C1orf21: variants seen among roughly 807,000 people sequenced by gnomAD.
The protein encoded by C1orf21 is chromosome 1 open reading frame 21.
A neutral mutation model predicts 18.7 loss-of-function variants in C1orf21; 3 were observed. The observed-to-expected ratio is 0.16, with a 90% CI of 0.07 to 0.42. C1orf21 has a LOEUF of 0.42. C1orf21 is among the 10% of genes least tolerant of loss of function. The probability of loss-of-function intolerance (pLI) is 0.99; values close to 1 mark genes in which losing one functional copy is unlikely to be tolerated. For synonymous variants in C1orf21, 41 were observed against 46.4 expected (o/e 0.88, Z 0.47); for missense variants, 104 against 143.6 (o/e 0.72, Z 1.41).
In C1orf21 at chr1:184,410,623, A is replaced by AT. The variant is rs1387000399; in HGVS notation, c.-125+23256dup. 8.7e-3 allele frequency among the ~76,000 whole-genome samples: 32 copies of AT among 3,666 alleles called. 4 individuals are homozygous for AT. In the East Asian group the frequency reaches 0.14, roughly 17 times the overall value. 2.4% of individuals were successfully genotyped at this position (3,666 alleles called of 152,430 possible). ...GATTAATTTGCCATATATATTATAT[A>AT]TATATATATATATATATATATATAT... On this transcript the variant is annotated intron_variant, in intron 1 of 5. Transcript: ENST00000235307.
At chr1:184,432,948 G>A (rs1188887141) in intron 1 of C1orf21, among the ~76,000 whole-genome samples, 9 of 152,160 alleles carry the variant, frequency 5.9e-5, no homozygotes, top group Non-Finnish European at 1.2e-4. Flanking sequence ...AAAAACCTCA[G>A]TCACATAATT....
At chr1:184,617,549 C>T (rs1260280405) in intron 5 of C1orf21, among the ~76,000 whole-genome samples, 1 of 152,200 alleles carries the variant, frequency 6.6e-6, no homozygotes, top group Non-Finnish European at 1.5e-5. Flanking sequence ...CCTGAGTGTT[C>T]TGGGCCAAGG....
At chr1:184,549,830 G>A (rs561782930) in intron 3 of C1orf21, among the ~76,000 whole-genome samples, 1 of 151,746 alleles carries the variant, frequency 6.6e-6, no homozygotes, top group Non-Finnish European at 1.5e-5. Flanking sequence ...ATAAATACTA[G>A]ATTTAGATAA....
At position 184,413,362 on chromosome 1, in the gene C1orf21, G is replaced by A. The variant is rs538539161; in HGVS notation, c.-125+25994G>A. On this transcript the variant is annotated intron_variant, in intron 1 of 5. Transcript: ENST00000235307. Reference sequence around the variant, plus strand: ...GTAAAAATTATACAGAATATTTGCAGTCAGTTCTAGAATTTATTTGAACAA... The same window carrying A: ...GTAAAAATTATACAGAATATTTGCAATCAGTTCTAGAATTTATTTGAACAA... 2.0e-5 allele frequency among the ~76,000 whole-genome samples: 3 copies of A among 152,316 alleles called. No homozygotes were observed. The South Asian group carries it at 6.2e-4, about 32-fold the overall frequency.
rs1040928643 is a variant in C1orf21, at chr1:184,626,199, A to T, written c.*6643A>T. ...AAATCCACCTTCAAGGAACCTAGCCATAACGAGGGAGGCAGCATGGAAGTA... is the reference window on the plus strand; with the variant it reads ...AAATCCACCTTCAAGGAACCTAGCCTTAACGAGGGAGGCAGCATGGAAGTA... On this transcript the variant is annotated 3_prime_UTR_variant, in exon 6 of 6. Transcript: ENST00000235307. The T allele has an allele frequency of 6.6e-6, 1 of 152,270 alleles. No individual in the cohort carries two copies. The highest frequency in any genetic ancestry group is 2.4e-5 in the African/African-American group (1 of 41,446). 9.4% of individuals were successfully genotyped at this position (152,270 alleles called of 1,614,324 possible).
chr1:184,591,368 G>A (rs6424959), intron 4 of C1orf21, among the ~76,000 whole-genome samples: 88,680 of 152,074 alleles, frequency 0.58, 28,063 homozygotes, highest in African/African-American at 0.85. Flanking sequence ...GAAAACAGAG[G>A]AGACTATCAC....
At chr1:184,508,228 G>A (rs1387687778) in intron 3 of C1orf21, among the ~76,000 whole-genome samples, 1 of 152,102 alleles carries the variant, frequency 6.6e-6, no homozygotes, top group Non-Finnish European at 1.5e-5. Flanking sequence ...TCTGAAACAG[G>A]AAGTTAGGAA....
intron 1 of C1orf21, among the ~76,000 whole-genome samples, chr1:184,436,489 T>A (rs1656860296): frequency 6.6e-6 from 1 of 151,784 alleles, no homozygotes; most frequent in Non-Finnish European, 1.5e-5. Flanking sequence ...ACTCCTCTAC[T>A]TCTGAGGCAG....
rs114350706 is a variant in C1orf21, at chr1:184,594,650, A to G, written c.267-3751A>G. Among the ~76,000 whole-genome samples, 742 of 152,236 alleles carry G rather than the reference A, an allele frequency of 4.9e-3. 9 individuals carry two copies. The highest frequency in any genetic ancestry group is 0.017 in the African/African-American group (707 of 41,560). On this transcript the variant is annotated intron_variant, in intron 4 of 5. Coordinates refer to ENST00000235307, the MANE Select transcript of C1orf21 (RefSeq NM_030806.4). The stretch of plus-strand genomic sequence containing the variant: ...TCTTTCCTCCTGGTGTGGGGAGGGC[A>G]TTGTTCACATGGGAGTTTCATCTCC...
At chr1:184,609,091 G>C (rs1221373063) in intron 5 of C1orf21, among the ~76,000 whole-genome samples, 1 of 152,210 alleles carries the variant, frequency 6.6e-6, no homozygotes, top group East Asian at 1.9e-4. Context: ...CCCCTTTGTG[G>C]AGAGGAAAGA....
chr1:184,424,140 G>A (rs554001403), intron 1 of C1orf21, among the ~76,000 whole-genome samples: 2 of 152,126 alleles, frequency 1.3e-5, no homozygotes, highest in Admixed American at 1.3e-4. Flanking sequence ...GTAATACACT[G>A]ACATTCTCTT....
At chr1:184,410,617 TTATATATATATATATATATATATA>T (rs1162356586) in intron 1 of C1orf21, among the ~76,000 whole-genome samples, 1 of 21,156 alleles carries the variant, frequency 4.7e-5, no homozygotes, top group Non-Finnish European at 6.9e-5. Flanking sequence ...GCCATATATA[TTATATATATATATATATATATATA>T]TATATATATA....
intron 1 of C1orf21, among the ~76,000 whole-genome samples, chr1:184,439,146 G>C (rs1656906213): frequency 1.3e-5 from 2 of 152,100 alleles, no homozygotes; most frequent in Non-Finnish European, 2.9e-5. Context: ...AGGAGGCGAA[G>C]GTTGCAGTGA....
intron 5 of C1orf21, among the ~76,000 whole-genome samples, chr1:184,602,147 TTGTCACTGAGA>T (rs1659593099): frequency 1.3e-5 from 2 of 152,158 alleles, no homozygotes; most frequent in Non-Finnish European, 2.9e-5. Flanking sequence ...CACCCTGCTA[TTGTCACTGAGA>T]GTGAGGTTCT....
chr1:184,586,252 T>C (rs1422405847), intron 3 of C1orf21, among the ~76,000 whole-genome samples: 2 of 152,106 alleles, frequency 1.3e-5, no homozygotes, highest in Non-Finnish European at 2.9e-5. Context: ...GTCTGTCTTC[T>C]TTTGAGAAGT....
rs547514000 is a variant in C1orf21, at chr1:184,621,572, A to G, written c.*2016A>G. The G allele has an allele frequency of 1.4e-4, 21 of 152,678 alleles. No homozygotes were observed. The highest frequency in any genetic ancestry group is 1.0e-4 in the Non-Finnish European group (7 of 68,036). 9.5% of individuals were successfully genotyped at this position (152,678 alleles called of 1,614,324 possible). ...ACCTTTTCCGGGATTTCTTGTTCTT[A>G]TCAAGCAAGAATTAAGCACATGCTA... On this transcript the variant is annotated 3_prime_UTR_variant, in exon 6 of 6. Transcript: ENST00000235307.
intron 1 of C1orf21, among the ~76,000 whole-genome samples, chr1:184,414,831 G>T (rs977756649): frequency 6.6e-6 from 1 of 152,164 alleles, no homozygotes; most frequent in South Asian, 2.1e-4. Flanking sequence ...TGGGTCTCAT[G>T]ACCAGTTTAT....
At chr1:184,531,691 G>A (rs1298033919) in intron 3 of C1orf21, among the ~76,000 whole-genome samples, 1 of 151,884 alleles carries the variant, frequency 6.6e-6, no homozygotes, top group Non-Finnish European at 1.5e-5. Flanking sequence ...CCAATTTTTG[G>A]AGTGTTTATC....
At chr1:184,498,097 C>T (rs868841907) in intron 2 of C1orf21, among the ~76,000 whole-genome samples, 74 of 152,220 alleles carry the variant, frequency 4.9e-4, no homozygotes, top group African/African-American at 1.7e-3. Flanking sequence ...CAATCCAGAC[C>T]GCCACAATTC....
Sources: allele counts gnomAD v4.1 joint callset (sites outside exome capture counted in the v4.1 genomes callset), GRCh38; gene constraint gnomAD v4.1.1; transcripts MANE v1.5; gene names NCBI Gene and HGNC (gene_info 2026-07-23, HGNC 2026-07-21).